Variants in COX7B2 observed in about 807,000 individuals in gnomAD.
COX7B2 encodes the protein cytochrome c oxidase subunit 7B2.
For synonymous variants in COX7B2, 37 were observed against 32.1 expected, an observed-to-expected ratio of 1.15 and a Z score of -0.51; for missense variants, 109 against 95.9, an observed-to-expected ratio of 1.14 and a Z score of -0.57.
intron 1 of COX7B2, among the ~76,000 whole-genome samples, chr4:46,852,812 T>C (rs959685920): frequency 6.6e-6 from 1 of 152,156 alleles, no homozygotes; most frequent in Non-Finnish European, 1.5e-5. Flanking sequence ...TGTAGATACA[T>C]GTCCCACTGG....
rs564996351 is a variant in COX7B2 at position 46,874,615 on chromosome 4, C to T, written c.-104-29601G>A. ...ATTCTCAGTTACATTAATCATATTT[C>T]GAAATCAAGTTTATGTTTTGATACA... On this transcript the variant is annotated intron_variant, in intron 1 of 2. Coordinates refer to ENST00000355591, the MANE Select transcript of COX7B2 (RefSeq NM_130902.3). Among the ~76,000 whole-genome samples the T allele has an allele frequency of 4.6e-4, 70 of 152,002 alleles. No homozygotes were observed. In the South Asian group the frequency reaches 0.013, roughly 29 times the overall value.
intron 2 of COX7B2, among the ~76,000 whole-genome samples, chr4:46,831,697 A>G (rs1715117015): frequency 6.6e-6 from 1 of 152,118 alleles, no homozygotes; most frequent in Admixed American, 6.5e-5. Flanking sequence ...GAGAATCTTT[A>G]TGTCTAGCTA....
intron 2 of COX7B2, among the ~76,000 whole-genome samples, chr4:46,819,955 A>G (rs988040816): frequency 2.0e-5 from 3 of 152,174 alleles, no homozygotes; most frequent in Non-Finnish European, 4.4e-5. Context: ...TCTTCATTCC[A>G]CCAAGCATTG....
chr4:46,777,839 A>G (rs914752267), intron 2 of COX7B2, among the ~76,000 whole-genome samples: 3 of 152,160 alleles, frequency 2.0e-5, no homozygotes, highest in Non-Finnish European at 2.9e-5. Context: ...TTCCTCAAAA[A>G]TAGATGGAGA....
chr4:46,803,669 T>C (rs1371264784), intron 2 of COX7B2, among the ~76,000 whole-genome samples: 1 of 152,084 alleles, frequency 6.6e-6, no homozygotes, highest in Non-Finnish European at 1.5e-5. Flanking sequence ...CTCTTCATGT[T>C]TCCAGTGCTT....
intron 1 of COX7B2, among the ~76,000 whole-genome samples, chr4:46,880,862 A>T (rs1246727838): frequency 4.3e-5 from 4 of 92,684 alleles, no homozygotes; most frequent in Non-Finnish European, 4.3e-5. Flanking sequence ...GGGAGGGGGG[A>T]GGGATAGCAT....
At chr4:46,827,211 A>G (rs1714756222) in intron 2 of COX7B2, among the ~76,000 whole-genome samples, 1 of 152,090 alleles carries the variant, frequency 6.6e-6, no homozygotes, top group African/African-American at 2.4e-5. Context: ...AATCTTCCCA[A>G]ATTTGGTAAA....
chr4:46,749,747 C>G (rs1388276079), intron 2 of COX7B2, among the ~76,000 whole-genome samples: 1 of 152,108 alleles, frequency 6.6e-6, no homozygotes, highest in Admixed American at 6.6e-5. Context: ...GAATGATATT[C>G]AAGATATGTG....
chr4:46,798,917 C>A (rs939766572), intron 2 of COX7B2, among the ~76,000 whole-genome samples: 1 of 152,108 alleles, frequency 6.6e-6, no homozygotes, highest in African/African-American at 2.4e-5. Context: ...GAAATTACAT[C>A]GTCAGATAAC....
intron 1 of COX7B2, among the ~76,000 whole-genome samples, chr4:46,908,434 G>T (rs201660960): frequency 1.3e-5 from 2 of 152,072 alleles, no homozygotes; most frequent in Non-Finnish European, 2.9e-5. Flanking sequence ...ATTGGCTTTT[G>T]CTCACAGCCC....
chr4:46,851,956 G>C (rs1716718507), intron 1 of COX7B2, among the ~76,000 whole-genome samples: 1 of 152,000 alleles, frequency 6.6e-6, no homozygotes, highest in Non-Finnish European at 1.5e-5. Context: ...ATTTCTTTTT[G>C]TAGTTGGTAA....
intron 2 of COX7B2, among the ~76,000 whole-genome samples, chr4:46,765,658 C>T (rs1426312257): frequency 6.6e-6 from 1 of 151,816 alleles, no homozygotes; most frequent in Non-Finnish European, 1.5e-5. Flanking sequence ...CCCCATAACT[C>T]CAGGCCCACA....
intron 2 of COX7B2, among the ~76,000 whole-genome samples, chr4:46,752,433 T>G (rs1715443977): frequency 6.6e-6 from 1 of 152,114 alleles, no homozygotes; most frequent in Non-Finnish European, 1.5e-5. Flanking sequence ...CTGATTACCC[T>G]GGCCAGAACT....
chr4:46,757,362 T>C (rs947769362), intron 2 of COX7B2, among the ~76,000 whole-genome samples: 5 of 152,178 alleles, frequency 3.3e-5, no homozygotes, highest in Middle Eastern at 6.8e-3. Context: ...CTGGTTACAA[T>C]GTTCACTATT....
At chr4:46,813,264 T>G (rs1366123304) in intron 2 of COX7B2, among the ~76,000 whole-genome samples, 1 of 152,202 alleles carries the variant, frequency 6.6e-6, no homozygotes, top group African/African-American at 2.4e-5. Context: ...TCATGGGCAT[T>G]CAGAAGATTC....
chr4:46,816,547 T>C (rs1719559690), intron 2 of COX7B2, among the ~76,000 whole-genome samples: 2 of 152,220 alleles, frequency 1.3e-5, no homozygotes, highest in Admixed American at 1.3e-4. Context: ...CATCATAAAA[T>C]TATAATTTGT....
chr4:46,832,130 A>G (rs1000760278), intron 2 of COX7B2, among the ~76,000 whole-genome samples: 1 of 152,130 alleles, frequency 6.6e-6, no homozygotes, highest in African/African-American at 2.4e-5. Flanking sequence ...GTCCCCTTCC[A>G]CACCGTGGAA....
chr4:46,843,834 G>A (rs1198394445), intron 2 of COX7B2, among the ~76,000 whole-genome samples: 3 of 151,842 alleles, frequency 2.0e-5, no homozygotes, highest in African/African-American at 7.2e-5. Context: ...TTGCAAGAGT[G>A]GTTTATATTC....
At chr4:46,866,810 G>A (rs749587365) in intron 1 of COX7B2, among the ~76,000 whole-genome samples, 1 of 152,040 alleles carries the variant, frequency 6.6e-6, no homozygotes, top group Non-Finnish European at 1.5e-5. Context: ...TTATTTACTA[G>A]TTGAACAATA....
Sources: allele counts gnomAD v4.1 joint callset (sites outside exome capture counted in the v4.1 genomes callset), GRCh38; gene constraint gnomAD v4.1.1; transcripts MANE v1.5; gene names NCBI Gene and HGNC (gene_info 2026-07-23, HGNC 2026-07-21).